NVL: variants seen among roughly 807,000 people sequenced by gnomAD.
NVL encodes nuclear VCP like, also known as nuclear valosin-containing protein-like.
In NVL, 84 loss-of-function variants were observed where a neutral mutation model predicts 110.2. The observed-to-expected ratio is 0.76, with a 90% CI of 0.64 to 0.91. NVL has a LOEUF of 0.91. Among genes scored for constraint, NVL ranks in the 40% least tolerant of loss-of-function variants. The pLI is 0.00. For synonymous variants in NVL, 354 were observed against 361.1 expected (o/e 0.98, Z 0.22); for missense variants, 882 against 1,035.9 (o/e 0.85, Z 2.04).
intron 18 of NVL, chr1:224,257,162 A>C (rs760856892): frequency 3.9e-6 from 2 of 510,944 alleles, no homozygotes; most frequent in Non-Finnish European, 7.9e-6. Context: ...TTACAATAAA[A>C]ATGGCACTAA....
At chr1:224,254,887 T>C (rs1451330929) in intron 18 of NVL, among the ~76,000 whole-genome samples, 1 of 149,974 alleles carries the variant, frequency 6.7e-6, no homozygotes, top group Admixed American at 6.7e-5. Context: ...GTTTTTTTTT[T>C]TTTTTTTTGA....
intron 16 of NVL, 136 bp downstream of exon 16, chr1:224,280,987 C>T (rs1666251718): frequency 2.7e-6 from 2 of 740,830 alleles, no homozygotes; most frequent in African/African-American, 3.5e-5. Context: ...AAAGCTCAGC[C>T]TCCTCACTCC....
chr1:224,275,892 G>A (rs1319059896), intron 16 of NVL, among the ~76,000 whole-genome samples: 12 of 152,042 alleles, frequency 7.9e-5, no homozygotes, highest in East Asian at 3.9e-4. Context: ...TACACAAGTC[G>A]TCTTACTAAA....
intron 18 of NVL, among the ~76,000 whole-genome samples, chr1:224,255,743 T>C (rs1462250287): frequency 6.6e-6 from 1 of 152,254 alleles, no homozygotes; most frequent in Non-Finnish European, 1.5e-5. Flanking sequence ...TCAGTTTATC[T>C]ATTTGCTCTT....
rs748032835 is a variant in NVL at position 224,287,869 on chromosome 1, G to T, written c.1700C>A (p.Ala567Asp). Residue 567 changes from alanine (A) to aspartate (D), a missense_variant, in exon 14 of 23, where the codon GCC becomes GAC. Ala to Asp is a moderately radical substitution (Grantham distance 126, BLOSUM62 -2). Coordinates refer to ENST00000281701, the MANE Select transcript of NVL (RefSeq NM_002533.4). Reference protein sequence around the residue: ...IVALSSVQPSAKREGFVTVPN... With the variant: ...IVALSSVQPSDKREGFVTVPN... ...GACAGTGACAAAGCCTTCCCTTTTGGCAGAGGGTTGGACTGAGGATAGAGC... is the reference window on the plus strand; with the variant it reads ...GACAGTGACAAAGCCTTCCCTTTTGTCAGAGGGTTGGACTGAGGATAGAGC... The T allele has an allele frequency of 1.2e-6, 2 of 1,614,114 alleles. No individual in the cohort carries two copies. The highest frequency in any genetic ancestry group is 8.5e-7 in the Non-Finnish European group (1 of 1,180,004).
chr1:224,323,071 G>A (rs1486374769), intron 2 of NVL, among the ~76,000 whole-genome samples: 4 of 152,194 alleles, frequency 2.6e-5, no homozygotes, highest in Non-Finnish European at 5.9e-5. Flanking sequence ...TTAGAAATAT[G>A]AATGTTAAAG....
chr1:224,227,880 G>C (rs1473533477), intron 22 of NVL: 1 of 316,752 alleles, frequency 3.2e-6, no homozygotes, highest in African/African-American at 2.2e-5. Flanking sequence ...CTTACAAAAA[G>C]AGGGGATTAG....
chr1:224,261,870 A>G (rs1277696644), intron 18 of NVL, among the ~76,000 whole-genome samples: 4 of 151,708 alleles, frequency 2.6e-5, no homozygotes, highest in African/African-American at 9.7e-5. Flanking sequence ...CTGAGGTGGG[A>G]TGATCTCTTG....
At chr1:224,304,629 T>C in intron 8 of NVL, 107 bp downstream of exon 8, 1 of 953,294 alleles carries the variant, frequency 1.0e-6, no homozygotes, top group East Asian at 2.4e-5. Flanking sequence ...ACCTTCCCAG[T>C]TTCCTTTTCT....
chr1:224,258,162 T>A (rs1178221160), intron 18 of NVL, among the ~76,000 whole-genome samples: 2 of 152,198 alleles, frequency 1.3e-5, no homozygotes, highest in Non-Finnish European at 2.9e-5. Context: ...TATCTGATTT[T>A]AGATTTGTAT....
chr1:224,295,120 T>C (rs1667748902), intron 11 of NVL, among the ~76,000 whole-genome samples: 1 of 152,254 alleles, frequency 6.6e-6, no homozygotes, highest in South Asian at 2.1e-4. Flanking sequence ...GCAGGGAGTC[T>C]GAGGTTATTT....
chr1:224,247,346 C>T (rs949323022), intron 19 of NVL, among the ~76,000 whole-genome samples: 3 of 151,858 alleles, frequency 2.0e-5, no homozygotes, highest in African/African-American at 7.3e-5. Context: ...GCTGGGACTA[C>T]GGGTGCATGC....
intron 4 of NVL, among the ~76,000 whole-genome samples, chr1:224,314,054 GATTAA>G (rs1194150397): frequency 1.3e-5 from 2 of 152,180 alleles, no homozygotes; most frequent in African/African-American, 4.8e-5. Context: ...AAACAGCAAA[GATTAA>G]ATTATAGTAT....
rs746204972 is a variant in NVL, at chr1:224,311,813, T to G, written c.329A>C (p.Tyr110Ser). 3.1e-6 allele frequency: 5 copies of G among 1,613,560 alleles called. No individual in the cohort carries two copies. The highest frequency in any genetic ancestry group is 3.4e-6 in the Non-Finnish European group (4 of 1,179,522). ...YSDDDSSMED[Y>S]PDPQSANHMN... is the part of the protein sequence containing the mutation. Reference sequence around the variant, plus strand: ...TGTTTGGCTTACCTGTGGATCTGGGTAGTCTTCCATACTTGAATCATCATC... The same window carrying G: ...TGTTTGGCTTACCTGTGGATCTGGGGAGTCTTCCATACTTGAATCATCATC... Residue 110 changes from tyrosine (Y) to serine (S), a missense_variant, in exon 5 of 23, where the codon TAC becomes TCC. Tyr to Ser is a moderately radical substitution (Grantham distance 144). This residue lies in a region of NVL where 274 missense variants were observed against 268.4 expected (regional missense o/e 1.02). Transcript: ENST00000281701.
Position 224,311,780 on chromosome 1 carries a change from C to T in NVL, c.342+20G>A. 1 of 1,600,208 alleles carries T rather than the reference C, an allele frequency of 6.2e-7. No homozygotes were observed. The highest frequency in any genetic ancestry group is 8.6e-7 in the Non-Finnish European group (1 of 1,168,402). ...TAAAAAAGAAAAAATCTAAGTGGAC[C>T]CACTAAATGTTTGGCTTACCTGTGG... On this transcript the variant is annotated intron_variant, in intron 5 of 22. Transcript: ENST00000281701.
At chr1:224,274,394 T>C (rs1243910610) in intron 17 of NVL, among the ~76,000 whole-genome samples, 1 of 151,810 alleles carries the variant, frequency 6.6e-6, no homozygotes, top group Non-Finnish European at 1.5e-5. Flanking sequence ...CAGCACTTTT[T>C]GGGAGGCTGA....
chr1:224,302,967 T>C, intron 9 of NVL: 2 of 292,420 alleles, frequency 6.8e-6, no homozygotes, highest in South Asian at 2.7e-5. Context: ...GAGGACCACT[T>C]GAGCCTGGGA....
At chr1:224,311,012 C>A (rs752559323) in intron 5 of NVL, among the ~76,000 whole-genome samples, 3 of 151,994 alleles carry the variant, frequency 2.0e-5, no homozygotes, top group Non-Finnish European at 4.4e-5. Flanking sequence ...GGATTACAGA[C>A]GTGAGCCATA....
intron 18 of NVL, among the ~76,000 whole-genome samples, chr1:224,250,756 C>T (rs949853987): frequency 1.3e-5 from 2 of 152,256 alleles, no homozygotes; most frequent in South Asian, 2.1e-4. Flanking sequence ...CTGTATCATT[C>T]TTATGCTTTG....
Sources: allele counts gnomAD v4.1 joint callset (sites outside exome capture counted in the v4.1 genomes callset), GRCh38; gene constraint gnomAD v4.1.1; regional missense constraint gnomAD v4.1.1; transcripts MANE v1.5; gene names NCBI Gene and HGNC (gene_info 2026-07-23, HGNC 2026-07-21).